The following SLIT3 variants were observed in gnomAD, a reference collection of about 807,000 sequenced individuals.
The protein encoded by SLIT3 is slit homolog 3 protein.
Under a neutral mutation model 184.0 loss-of-function variants are expected in SLIT3, and 68 were observed. The observed-to-expected ratio is 0.37, with a 90% CI of 0.30 to 0.45. SLIT3 has a LOEUF of 0.45. Ranked by LOEUF, SLIT3 falls within the 20% of genes least tolerant of loss-of-function variation. The pLI, the probability that SLIT3 is intolerant of heterozygous loss-of-function variation, is 1.00. For synonymous variants in SLIT3, 831 were observed against 828.6 expected (o/e 1.00, Z -0.05); for missense variants, 1,707 against 2,026.0 (o/e 0.84, Z 3.02).
intron 4 of SLIT3, among the ~76,000 whole-genome samples, chr5:169,183,182 T>C (rs297876): frequency 0.79 from 120,474 of 152,152 alleles, 47,978 homozygotes; most frequent in East Asian, 0.87. Context: ...CCTGGACACA[T>C]ACTTCTCTTC....
intron 4 of SLIT3, among the ~76,000 whole-genome samples, chr5:168,985,865 G>C (rs1755110803): frequency 6.6e-6 from 1 of 152,164 alleles, no homozygotes; most frequent in Admixed American, 6.5e-5. Flanking sequence ...GAGATACAGA[G>C]ACAGAGTATG....
chr5:169,121,329 G>A (rs1161242135), intron 4 of SLIT3, among the ~76,000 whole-genome samples: 1 of 152,190 alleles, frequency 6.6e-6, no homozygotes, highest in East Asian at 1.9e-4. Flanking sequence ...CTAGATTAAA[G>A]TCACATTCTC....
chr5:169,077,580 A>G (rs1228732962), intron 4 of SLIT3, among the ~76,000 whole-genome samples: 1 of 152,130 alleles, frequency 6.6e-6, no homozygotes, highest in African/African-American at 2.4e-5. Flanking sequence ...TAATACATAT[A>G]AAATATCTGT....
At chr5:168,743,132 C>G (rs1763689469) in intron 20 of SLIT3, among the ~76,000 whole-genome samples, 2 of 152,174 alleles carry the variant, frequency 1.3e-5, no homozygotes, top group South Asian at 2.1e-4. Flanking sequence ...ATTAGAAGGG[C>G]AGATCAAAGC....
At chr5:169,032,053 G>C (rs1309175344) in intron 4 of SLIT3, among the ~76,000 whole-genome samples, 1 of 152,092 alleles carries the variant, frequency 6.6e-6, no homozygotes, top group African/African-American at 2.4e-5. Context: ...TGTAACGTAG[G>C]ACAGGCCACA....
chr5:168,744,742 C>A (rs1763748958), intron 20 of SLIT3, among the ~76,000 whole-genome samples: 1 of 152,198 alleles, frequency 6.6e-6, no homozygotes, highest in Admixed American at 6.5e-5. Flanking sequence ...TCGTTGAGAC[C>A]TGCTGCACAA....
chr5:169,020,642 G>T (rs923642757), intron 4 of SLIT3, among the ~76,000 whole-genome samples: 12 of 152,274 alleles, frequency 7.9e-5, no homozygotes, highest in Admixed American at 2.6e-4. Flanking sequence ...TAAACACAGA[G>T]CCTCCTTCCT....
At chr5:168,886,506 T>C (rs894987449) in intron 4 of SLIT3, among the ~76,000 whole-genome samples, 14 of 152,196 alleles carry the variant, frequency 9.2e-5, no homozygotes, top group African/African-American at 2.2e-4. Context: ...CTATCCACGA[T>C]GCCCAAGAGC....
At chr5:168,798,386 G>A (rs766153816) in intron 9 of SLIT3, among the ~76,000 whole-genome samples, 3 of 151,868 alleles carry the variant, frequency 2.0e-5, no homozygotes, top group Non-Finnish European at 4.4e-5. Context: ...ACCATGCCTG[G>A]CTAATTTTTA....
Position 168,844,570 on chromosome 5 carries a change from C to CA in SLIT3, c.557+13dup. On this transcript the variant is annotated intron_variant, in intron 6 of 35. Coordinates refer to ENST00000519560, the MANE Select transcript of SLIT3 (RefSeq NM_003062.4). ...GCACGCACACACAAGGCAGCGATCGCAAAATCAACTCACAGGATCTCCAAA... is the reference window on the plus strand; with the variant it reads ...GCACGCACACACAAGGCAGCGATCGCAAAAATCAACTCACAGGATCTCCAAA... 6.2e-7 allele frequency: 1 copy of CA among 1,613,842 alleles called. No individual in the cohort carries two copies. Among genetic ancestry groups the CA allele is most frequent in the Non-Finnish European group, 8.5e-7 (1 of 1,179,790 alleles).
chr5:169,282,905 C>T (rs1449129845), intron 1 of SLIT3, among the ~76,000 whole-genome samples: 1 of 152,230 alleles, frequency 6.6e-6, no homozygotes, highest in East Asian at 1.9e-4. Context: ...AAAATCCCAA[C>T]ATCCAAAAAG....
At chr5:169,285,450 A>G (rs974300417) in intron 1 of SLIT3, among the ~76,000 whole-genome samples, 4 of 152,204 alleles carry the variant, frequency 2.6e-5, no homozygotes, top group Non-Finnish European at 5.9e-5. Context: ...TCATAACTAT[A>G]TAGCTGTGGA....
intron 3 of SLIT3, among the ~76,000 whole-genome samples, chr5:169,218,451 A>G (rs1764517111): frequency 6.6e-6 from 1 of 152,222 alleles, no homozygotes; most frequent in African/African-American, 2.4e-5. Flanking sequence ...TGAGAAACTC[A>G]GCACCTCAGG....
At chr5:168,998,056 G>A (rs1422769425) in intron 4 of SLIT3, among the ~76,000 whole-genome samples, 3 of 151,928 alleles carry the variant, frequency 2.0e-5, no homozygotes, top group Non-Finnish European at 4.4e-5. Flanking sequence ...CCAGGTGGAA[G>A]CTCTCAATAA....
At position 169,183,060 on chromosome 5, in the gene SLIT3, C is replaced by G. The variant is rs1763220304; in HGVS notation, c.413+10419G>C. Among the ~76,000 whole-genome samples the G allele has an allele frequency of 2.0e-5, 3 of 152,122 alleles. No homozygotes were observed. The South Asian group carries it at 6.2e-4, about 32-fold the overall frequency. On this transcript the variant is annotated intron_variant, in intron 4 of 35. Transcript: ENST00000519560. ...AGAGCGAGGTGGCAAGAAGCCCACA[C>G]TTATACCCTCCGGGCTCAGGTTAGA...
rs1353412053 is a variant in SLIT3 at position 168,665,370 on chromosome 5, A to G, written c.*1084T>C. On this transcript the variant is annotated 3_prime_UTR_variant, in exon 36 of 36. Transcript: ENST00000519560. Reference sequence around the variant, plus strand: ...CAACAAGAGCCTCCAAGAACCTTCCAGAGTTGGACATCTAGCGCTGTGGGC... The same window carrying G: ...CAACAAGAGCCTCCAAGAACCTTCCGGAGTTGGACATCTAGCGCTGTGGGC... The G allele has an allele frequency of 6.6e-6, 1 of 152,284 alleles. No individual in the cohort carries two copies. Among genetic ancestry groups the G allele is most frequent in the African/African-American group, 2.4e-5 (1 of 41,466 alleles). 9.4% of individuals were successfully genotyped at this position (152,284 alleles called of 1,614,324 possible). A position where few individuals can be genotyped will look rare whatever the true frequency, so the allele number is the denominator to read the frequency against.
At chr5:169,274,325 G>A (rs1766730356) in intron 1 of SLIT3, among the ~76,000 whole-genome samples, 1 of 152,190 alleles carries the variant, frequency 6.6e-6, no homozygotes. Context: ...TCCTGGCTCT[G>A]ACACTTACAT....
rs147550848 is a variant in SLIT3, at chr5:168,936,408, T to C, written c.414-53072A>G. 9.4e-3 allele frequency among the ~76,000 whole-genome samples: 1,434 copies of C among 152,304 alleles called. 21 individuals carry two copies. Among genetic ancestry groups the C allele is most frequent in the African/African-American group, 0.033 (1,362 of 41,554 alleles). On this transcript the variant is annotated intron_variant, in intron 4 of 35. Coordinates refer to ENST00000519560, the MANE Select transcript of SLIT3 (RefSeq NM_003062.4). ...CACCACCAAGCACAGCTAATTTTTG[T>C]ATTTTTAGTAGAGACGGGGTTTCAC...
chr5:169,213,465 T>G (rs1000927054), intron 3 of SLIT3, among the ~76,000 whole-genome samples: 1 of 152,230 alleles, frequency 6.6e-6, no homozygotes, highest in African/African-American at 2.4e-5. Context: ...AGAGCCTGCA[T>G]AGCCAAGACA....
Sources: gnomAD v4.1 joint callset for allele counts (sites outside exome capture counted in the v4.1 genomes callset) on GRCh38, gnomAD v4.1.1 for gene constraint, MANE v1.5 for transcripts, NCBI Gene and HGNC (gene_info 2026-07-23, HGNC 2026-07-21) for gene names.